Variants in DLC1 observed in about 807,000 individuals in gnomAD.
DLC1 encodes the protein rho GTPase-activating protein 7.
In DLC1, 54 loss-of-function variants were observed where a neutral mutation model predicts 140.3. That is an observed-to-expected ratio of 0.38 (90% CI 0.31 to 0.48). DLC1 has a LOEUF of 0.48. Among genes scored for constraint, DLC1 ranks in the 20% least tolerant of loss-of-function variants. The pLI is 0.96. For missense variants in DLC1, 2,536 were observed against 1,907.0 expected (o/e 1.33, Z -6.14); for synonymous variants, 986 against 728.1 (o/e 1.35, Z -5.70).
At chr8:13,388,710 A>T (rs184196198) in intron 4 of DLC1, among the ~76,000 whole-genome samples, 7 of 152,152 alleles carry the variant, frequency 4.6e-5, no homozygotes, top group African/African-American at 1.7e-4. Context: ...GGACACAAAT[A>T]TATGCATATA....
intron 5 of DLC1, among the ~76,000 whole-genome samples, chr8:13,292,987 C>T (rs1394602772): frequency 6.6e-6 from 1 of 152,194 alleles, no homozygotes; most frequent in Non-Finnish European, 1.5e-5. Context: ...CTTTGAGAGG[C>T]TGAGGTGGGA....
chr8:13,092,792 T>C lies in DLC1; in HGVS notation c.3560A>G (p.Lys1187Arg). 1.2e-6 allele frequency: 2 copies of C among 1,614,020 alleles called. No homozygotes were observed. Among genetic ancestry groups the C allele is most frequent in the Non-Finnish European group, 1.7e-6 (2 of 1,179,948 alleles). Residue 1187 changes from lysine (K) to arginine (R), a missense_variant, in exon 13 of 18, where the codon AAG (lysine) becomes AGG (arginine). Physicochemically the swap from Lys to Arg is conservative, Grantham distance 26 (BLOSUM62 2). Coordinates refer to ENST00000276297, the MANE Select transcript of DLC1 (RefSeq NM_182643.3). ...GTCAGGCAGCAGCATGATGGCAGCCTTGATGGCCTGCAGGCGCTGGTCCTT... is the reference window on the plus strand; with the variant it reads ...GTCAGGCAGCAGCATGATGGCAGCCCTGATGGCCTGCAGGCGCTGGTCCTT... ...VPKDQRLQAIKAAIMLLPDEN... is the reference protein window; with the variant it reads ...VPKDQRLQAIRAAIMLLPDEN...
intron 4 of DLC1, among the ~76,000 whole-genome samples, chr8:13,367,232 T>A (rs1835528594): frequency 6.6e-6 from 1 of 152,150 alleles, no homozygotes; most frequent in African/African-American, 2.4e-5. Context: ...TCTGATCAGT[T>A]TTACAAGGAG....
chr8:13,188,823 ATATG>A (rs1391383475), intron 5 of DLC1, among the ~76,000 whole-genome samples: 39 of 38,974 alleles, frequency 1.0e-3, no homozygotes, highest in African/African-American at 3.4e-3. Flanking sequence ...ATATATATAT[ATATG>A]TATATATATA....
At chr8:13,432,647 C>T (rs894364989) in intron 2 of DLC1, among the ~76,000 whole-genome samples, 12 of 152,104 alleles carry the variant, frequency 7.9e-5, no homozygotes, top group South Asian at 2.1e-4. Flanking sequence ...GAGTAGGGAA[C>T]GTGTAAAGTG....
chr8:13,354,073 G>T (rs1299318278), intron 4 of DLC1, among the ~76,000 whole-genome samples: 1 of 150,286 alleles, frequency 6.7e-6, no homozygotes, highest in Non-Finnish European at 1.5e-5. Context: ...AATCAGCTGT[G>T]GTTTTGCCCT....
rs182086220 is a variant in DLC1 at position 13,369,333 on chromosome 8, G to A, written c.1314+24220C>T. Among the ~76,000 whole-genome samples the A allele has an allele frequency of 8.4e-5, 11 of 130,508 alleles. No individual in the cohort carries two copies. In the East Asian group the frequency reaches 9.3e-4, roughly 11 times the overall value. 85.6% of individuals were successfully genotyped at this position (130,508 alleles called of 152,430 possible). A position where few individuals can be genotyped will look rare whatever the true frequency, so the allele number is the denominator to read the frequency against. Reference sequence around the variant, plus strand: ...GATACCTCCTTTCATAGTCTCGCACGTCCAGTATTTTTGGCTGGGTCGAAA... The same window carrying A: ...GATACCTCCTTTCATAGTCTCGCACATCCAGTATTTTTGGCTGGGTCGAAA... On this transcript the variant is annotated intron_variant, in intron 4 of 17. Transcript: ENST00000276297.
chr8:13,596,893 C>G (rs1274790285), intron 1 of DLC1, among the ~76,000 whole-genome samples: 1 of 151,886 alleles, frequency 6.6e-6, no homozygotes, highest in African/African-American at 2.4e-5. Flanking sequence ...TACAATTGTT[C>G]TATATTATTA....
chr8:13,500,114 G>T lies in DLC1; in HGVS notation c.-43C>A. 6.8e-7 allele frequency: 1 copy of T among 1,476,936 alleles called. No individual in the cohort carries two copies. Among genetic ancestry groups the T allele is most frequent in the Non-Finnish European group, 9.3e-7 (1 of 1,080,608 alleles). 91.5% of individuals were successfully genotyped at this position (1,476,936 alleles called of 1,614,324 possible). ...ACAGACAGAGAGATATATTCCATAT[G>T]AGGGTAAAGGAGATGGAACTTGATG... On this transcript the variant is annotated 5_prime_UTR_variant, in exon 2 of 18. Transcript: ENST00000276297.
intron 4 of DLC1, among the ~76,000 whole-genome samples, chr8:13,353,220 C>G (rs902789254): frequency 6.6e-6 from 1 of 152,120 alleles, no homozygotes; most frequent in African/African-American, 2.4e-5. Context: ...GACGAACACC[C>G]AGGGAGAGGA....
chr8:13,591,502 C>G (rs570060989), intron 1 of DLC1, among the ~76,000 whole-genome samples: 37 of 152,086 alleles, frequency 2.4e-4, no homozygotes, highest in Non-Finnish European at 3.7e-4. Flanking sequence ...TTGTAAGTTT[C>G]CTGAGGCCTC....
At chr8:13,267,338 G>T (rs1411355264) in intron 5 of DLC1, among the ~76,000 whole-genome samples, 39 of 150,394 alleles carry the variant, frequency 2.6e-4, no homozygotes, top group Non-Finnish European at 1.0e-4. Flanking sequence ...TTTTCTGCCA[G>T]ATGTTTATGT....
chr8:13,300,791 T>A (rs1383667280), intron 5 of DLC1, among the ~76,000 whole-genome samples: 1 of 152,190 alleles, frequency 6.6e-6, no homozygotes, highest in Non-Finnish European at 1.5e-5. Context: ...GAGAGTCAGA[T>A]AAAATGTTGG....
chr8:13,267,598 G>C lies in DLC1; in HGVS notation c.1348+37671C>G, dbSNP rs1348872895. ...AAACAAAGTCTAGACACCATAAAAT[G>C]TACTGTTCCCCCCACTGCATAGTGT... is the stretch of plus-strand genomic sequence containing the variant. On this transcript the variant is annotated intron_variant, in intron 5 of 17. Transcript: ENST00000276297. Among the ~76,000 whole-genome samples, 7 of 152,126 alleles carry C rather than the reference G, an allele frequency of 4.6e-5. No homozygotes were observed. The East Asian group carries it at 1.3e-3, about 29-fold the overall frequency.
chr8:13,494,103 G>A (rs1050916947), intron 2 of DLC1, among the ~76,000 whole-genome samples: 2 of 152,088 alleles, frequency 1.3e-5, no homozygotes. Context: ...TCATAATGAG[G>A]AAAGGTATTC....
intron 1 of DLC1, among the ~76,000 whole-genome samples, chr8:13,559,806 A>G (rs1043769393): frequency 1.1e-4 from 17 of 152,302 alleles, no homozygotes; most frequent in Non-Finnish European, 1.6e-4. Flanking sequence ...TTTATACATC[A>G]TCTGTGCTAT....
chr8:13,146,142 G>A (rs149586375), intron 5 of DLC1, among the ~76,000 whole-genome samples: 6 of 152,130 alleles, frequency 3.9e-5, no homozygotes, highest in African/African-American at 1.4e-4. Flanking sequence ...GGACATAGTC[G>A]TGTGTGCATG....
chr8:13,188,574 T>C (rs1826525909), intron 5 of DLC1, among the ~76,000 whole-genome samples: 1 of 148,564 alleles, frequency 6.7e-6, no homozygotes, highest in Non-Finnish European at 1.5e-5. Flanking sequence ...ATTTTTCATA[T>C]ATTCTATATT....
At chr8:13,138,896 G>C (rs1035172762) in intron 5 of DLC1, among the ~76,000 whole-genome samples, 19 of 152,184 alleles carry the variant, frequency 1.2e-4, no homozygotes, top group Admixed American at 1.2e-3. Flanking sequence ...ACTGGAGTGT[G>C]TCTCTTCTTC....
Sources: allele counts gnomAD v4.1 joint callset (sites outside exome capture counted in the v4.1 genomes callset), GRCh38; gene constraint gnomAD v4.1.1; transcripts MANE v1.5; gene names NCBI Gene and HGNC (gene_info 2026-07-23, HGNC 2026-07-21).